TPTE2: variants seen among roughly 807,000 people sequenced by gnomAD.
TPTE2 encodes transmembrane phosphoinositide 3-phosphatase and tensin homolog 2.
TPTE2 carries 53 observed loss-of-function variants against 78.6 expected under a neutral mutation model. The observed-to-expected ratio is 0.67, with a 90% CI of 0.54 to 0.85. The LOEUF is 0.85. Ranked by LOEUF, TPTE2 falls within the 40% of genes least tolerant of loss-of-function variation. The pLI is 0.00. For synonymous variants in TPTE2, 175 were observed against 206.2 expected, an observed-to-expected ratio of 0.85 and a Z score of 1.30; for missense variants, 461 against 623.0, an observed-to-expected ratio of 0.74 and a Z score of 2.77.
intron 6 of TPTE2, among the ~76,000 whole-genome samples, chr13:19,471,732 T>G (rs1044238337): frequency 6.6e-6 from 1 of 152,208 alleles, no homozygotes; most frequent in African/African-American, 2.4e-5. Flanking sequence ...TGTTATAACA[T>G]TCTGCATTTT....
At chr13:19,501,639 A>G (rs1466317463) in intron 1 of TPTE2, among the ~76,000 whole-genome samples, 2 of 152,128 alleles carry the variant, frequency 1.3e-5, no homozygotes, top group Non-Finnish European at 2.9e-5. Flanking sequence ...TACACCTTAT[A>G]CAAAAATCAA....
intron 6 of TPTE2, among the ~76,000 whole-genome samples, chr13:19,468,364 T>C (rs1435679880): frequency 6.6e-6 from 1 of 152,112 alleles, no homozygotes; most frequent in Non-Finnish European, 1.5e-5. Context: ...TTTTTATGGC[T>C]AAATAATACT....
Position 19,532,112 on chromosome 13 carries a change from T to C in TPTE2, c.-44+4484A>G, listed in dbSNP as rs369627008. Among the ~76,000 whole-genome samples the C allele has an allele frequency of 2.0e-4, 30 of 152,290 alleles. No individual in the cohort carries two copies. In the East Asian group the frequency reaches 5.0e-3, roughly 25 times the overall value. On this transcript the variant is annotated intron_variant, in intron 1 of 17. Transcript: ENST00000390680. ...TCTCTACTTGCAGGCAGATGGCCAT[T>C]TTAATTCTAAACCCCAGAATTAAAC...
exon 17 of TPTE2, chr13:19,430,534 A>G: frequency 6.2e-7 from 1 of 1,610,682 alleles, no homozygotes; most frequent in Non-Finnish European, 8.5e-7. Flanking sequence ...GGACTTTTAG[A>G]TCACATACAT....
intron 10 of TPTE2, among the ~76,000 whole-genome samples, chr13:19,452,703 T>C (rs1449445523): frequency 1.3e-5 from 2 of 152,192 alleles, no homozygotes; most frequent in Non-Finnish European, 2.9e-5. Flanking sequence ...AAAACTTTGA[T>C]TTATTGTGGA....
chr13:19,459,544 C>T (rs1409308609), intron 10 of TPTE2, among the ~76,000 whole-genome samples: 1 of 152,160 alleles, frequency 6.6e-6, no homozygotes, highest in Non-Finnish European at 1.5e-5. Flanking sequence ...GGGGATCCTT[C>T]CTCCTCCGGA....
intron 3 of TPTE2, among the ~76,000 whole-genome samples, chr13:19,491,902 T>A (rs891088317): frequency 6.6e-6 from 1 of 152,166 alleles, no homozygotes; most frequent in Non-Finnish European, 1.5e-5. Context: ...CTTTTAAAAA[T>A]TTATTTATTG....
At chr13:19,445,465 T>C (rs1198408419) in intron 13 of TPTE2, among the ~76,000 whole-genome samples, 1 of 152,186 alleles carries the variant, frequency 6.6e-6, no homozygotes, top group Non-Finnish European at 1.5e-5. Flanking sequence ...TTGGGGAAGA[T>C]ACGGAATGCT....
At position 19,446,001 on chromosome 13, in the gene TPTE2, T is replaced by C. The variant is rs148940751; in HGVS notation, c.973+4075A>G. ...AAAATTGGAAACAACCCAAATGTAA[T>C]AGAAAAAAAGAGATTCCATTTTCAG... is the stretch of plus-strand genomic sequence containing the variant. On this transcript the variant is annotated intron_variant, in intron 13 of 19. Transcript: ENST00000400230. Among the ~76,000 whole-genome samples, 1,025 of 152,120 alleles carry C rather than the reference T, an allele frequency of 6.7e-3. 9 individuals carry two copies. Among genetic ancestry groups the C allele is most frequent in the African/African-American group, 0.022 (906 of 41,506 alleles).
At chr13:19,555,182 T>C in the TPTE2 span, among the ~76,000 whole-genome samples, 6 of 152,146 alleles carry the variant, frequency 3.9e-5, no homozygotes, top group Non-Finnish European at 2.9e-5. Flanking sequence ...ATTTTATAGG[T>C]GGGGAAAGGT....
At chr13:19,496,587 C>T (rs933212801) in intron 1 of TPTE2, among the ~76,000 whole-genome samples, 33 of 152,156 alleles carry the variant, frequency 2.2e-4, no homozygotes, top group Admixed American at 5.9e-4. Flanking sequence ...TAGCACCAAC[C>T]TCATATGTTG....
chr13:19,491,750 G>A (rs746587648), intron 3 of TPTE2, among the ~76,000 whole-genome samples: 9 of 152,032 alleles, frequency 5.9e-5, no homozygotes, highest in Non-Finnish European at 7.4e-5. Flanking sequence ...GCTTGAACCC[G>A]GGAGATGGAG....
Position 19,516,144 on chromosome 13 carries a change from C to A in TPTE2, c.-43-12867G>T, listed in dbSNP as rs1415377497. On this transcript the variant is annotated intron_variant, in intron 1 of 17. Coordinates refer to the TPTE2 transcript ENST00000390680. Reference sequence around the variant, plus strand: ...AATGCTTTTTGGTAGATAGGAGCAACCACAGAAGTTTGAGTTAGGTGGAGG... The same window carrying A: ...AATGCTTTTTGGTAGATAGGAGCAAACACAGAAGTTTGAGTTAGGTGGAGG... 1.3e-5 allele frequency among the ~76,000 whole-genome samples: 2 copies of A among 152,176 alleles called. 1 individual carries two copies. Among genetic ancestry groups the A allele is most frequent in the Non-Finnish European group, 2.9e-5 (2 of 68,040 alleles).
chr13:19,475,232 CT>C (rs879447651), intron 5 of TPTE2, among the ~76,000 whole-genome samples: 327 of 142,304 alleles, frequency 2.3e-3, no homozygotes, highest in Middle Eastern at 3.6e-3. Flanking sequence ...ATTTTTTTTT[CT>C]TTTTTTTTTT....
At chr13:19,526,896 A>C (rs1484481746) in intron 1 of TPTE2, among the ~76,000 whole-genome samples, 2 of 152,196 alleles carry the variant, frequency 1.3e-5, no homozygotes, top group African/African-American at 4.8e-5. Flanking sequence ...AGAGAAGAGA[A>C]AATATTTCAG....
chr13:19,438,002 CAAAT>C (rs1345702422), intron 14 of TPTE2, 86 bp downstream of exon 17: 3 of 1,534,488 alleles, frequency 2.0e-6, no homozygotes, highest in Admixed American at 2.1e-5. Flanking sequence ...CACCATGACT[CAAAT>C]AATCATCTTA....
chr13:19,518,408 T>C (rs573137388), intron 1 of TPTE2, among the ~76,000 whole-genome samples: 3 of 152,272 alleles, frequency 2.0e-5, no homozygotes, highest in Non-Finnish European at 4.4e-5. Context: ...AAACTTCAAT[T>C]GTAAGAAAAC....
chr13:19,430,539 A>C, exon 17 of TPTE2: 1 of 1,610,488 alleles, frequency 6.2e-7, no homozygotes, highest in South Asian at 1.1e-5. Context: ...TTTAGATCAC[A>C]TACATCACCT....
intron 10 of TPTE2, among the ~76,000 whole-genome samples, chr13:19,453,669 G>C (rs1051474618): frequency 2.6e-5 from 4 of 151,666 alleles, no homozygotes; most frequent in African/African-American, 9.7e-5. Context: ...AGGACATAAA[G>C]AATCTAGAAA....
Sources: allele counts gnomAD v4.1 joint callset (sites outside exome capture counted in the v4.1 genomes callset), GRCh38; gene constraint gnomAD v4.1.1; transcripts MANE v1.5; gene names NCBI Gene and HGNC (gene_info 2026-07-23, HGNC 2026-07-21).